RAP1GAP2: variants seen among roughly 807,000 people sequenced by gnomAD.
RAP1GAP2 encodes the protein rap1 GTPase-activating protein 2.
Under a neutral mutation model 95.0 loss-of-function variants are expected in RAP1GAP2, and 27 were observed. The ratio of observed to expected loss-of-function variants is 0.28; its 90% CI spans 0.21 to 0.39. The LOEUF (loss-of-function observed/expected upper bound fraction) is 0.39, where lower values mean the gene tolerates loss of function less well. Among genes scored for constraint, RAP1GAP2 ranks in the 10% least tolerant of loss-of-function variants. RAP1GAP2 has a pLI of 1.00. For missense variants in RAP1GAP2, 771 were observed against 970.0 expected (o/e 0.79, Z 2.72); for synonymous variants, 373 against 380.9 (o/e 0.98, Z 0.24).
intron 2 of RAP1GAP2, among the ~76,000 whole-genome samples, chr17:2,828,486 C>A (rs1219208396): frequency 6.7e-6 from 1 of 148,946 alleles, no homozygotes; most frequent in Non-Finnish European, 1.5e-5. Context: ...GTGAAGCTGT[C>A]TGGGGAAGAG....
Position 2,963,540 on chromosome 17 carries a change from C to G in RAP1GAP2, c.279+78C>G. 1 of 1,577,284 alleles carries G rather than the reference C, an allele frequency of 6.3e-7. No homozygotes were observed. Among genetic ancestry groups the G allele is most frequent in the Admixed American group, 1.7e-5 (1 of 59,872 alleles). On this transcript the variant is annotated intron_variant, in intron 6 of 24. Coordinates refer to ENST00000254695, the MANE Select transcript of RAP1GAP2 (RefSeq NM_015085.5). This position sits in a 1 kb window ranked among gnomAD's most constrained non-coding sequence, Gnocchi z 4.8. ...TCCCTGGGGAAATGATGGCGATGGCCTGTGCCCAGCCCCCCAGGGGAGAGA... is the reference window on the plus strand; with the variant it reads ...TCCCTGGGGAAATGATGGCGATGGCGTGTGCCCAGCCCCCCAGGGGAGAGA...
In RAP1GAP2 at chr17:2,801,977, G is replaced by C. The variant is rs561946933; in HGVS notation, c.80+1427G>C. ...CTGCACCCCTCCCATGAGGCAATGA[G>C]TACTGGCTAACCATCTGCTCCAGTG... On this transcript the variant is annotated intron_variant, in intron 2 of 24. Coordinates refer to ENST00000254695, the MANE Select transcript of RAP1GAP2 (RefSeq NM_015085.5). 1.2e-4 allele frequency among the ~76,000 whole-genome samples: 19 copies of C among 152,290 alleles called. No homozygotes were observed. The East Asian group carries it at 2.5e-3, about 20-fold the overall frequency.
At chr17:2,776,048 G>A (rs969873011), upstream of RAP1GAP2, among the ~76,000 whole-genome samples, 1 of 152,168 alleles carries the variant, frequency 6.6e-6, no homozygotes, top group Admixed American at 6.5e-5. Flanking sequence ...GTATGGTGGC[G>A]GGTGCCTGTA....
chr17:2,928,557 G>A (rs932415552), intron 3 of RAP1GAP2, among the ~76,000 whole-genome samples: 1 of 152,180 alleles, frequency 6.6e-6, no homozygotes, highest in Non-Finnish European at 1.5e-5. Context: ...GACCTGCCTG[G>A]CATGGAAAGT....
chr17:2,981,131 C>A, intron 9 of RAP1GAP2, 64 bp from the exon 10 acceptor site: 1 of 1,471,118 alleles, frequency 6.8e-7, no homozygotes, highest in African/African-American at 1.4e-5. Flanking sequence ...TCCAGGTGGG[C>A]AGAGGAGCCC....
At chr17:2,771,440 G>A (rs897775984) in intron 2 of RAP1GAP2, among the ~76,000 whole-genome samples, 8 of 149,500 alleles carry the variant, frequency 5.4e-5, no homozygotes, top group East Asian at 3.9e-4. Flanking sequence ...TGCCACACCC[G>A]ACCCGGGGAC....
intron 14 of RAP1GAP2, among the ~76,000 whole-genome samples, 169 bp downstream of exon 14, chr17:2,998,545 C>T (rs563817854): frequency 6.6e-6 from 1 of 152,326 alleles, no homozygotes; most frequent in Non-Finnish European, 1.5e-5. Context: ...TCCAAGGCCA[C>T]CTGATCCCCC....
chr17:2,953,919 C>T (rs570839492), intron 3 of RAP1GAP2, among the ~76,000 whole-genome samples: 1 of 152,128 alleles, frequency 6.6e-6, no homozygotes, highest in Non-Finnish European at 1.5e-5. Context: ...GTGTAACCAC[C>T]ATCATAATCA....
At chr17:2,863,455 T>C (rs951722239) in intron 2 of RAP1GAP2, among the ~76,000 whole-genome samples, 10 of 152,166 alleles carry the variant, frequency 6.6e-5, no homozygotes, top group Admixed American at 2.6e-4. Flanking sequence ...GTCGGCCCCA[T>C]GTGTGTCCTG....
intron 19 of RAP1GAP2, among the ~76,000 whole-genome samples, chr17:3,023,552 C>T (rs1015111920): frequency 1.8e-4 from 27 of 152,308 alleles, no homozygotes; most frequent in African/African-American, 5.8e-4. Context: ...TGTTTGGAAC[C>T]TGTGCATGGG....
chr17:2,849,707 C>T (rs1170994361), intron 2 of RAP1GAP2, among the ~76,000 whole-genome samples: 1 of 152,192 alleles, frequency 6.6e-6, no homozygotes, highest in Non-Finnish European at 1.5e-5. Context: ...GCTTTGGAGG[C>T]TGGAACAGGC....
intron 2 of RAP1GAP2, among the ~76,000 whole-genome samples, chr17:2,836,984 C>T (rs1391802986): frequency 6.6e-6 from 1 of 152,108 alleles, no homozygotes; most frequent in Non-Finnish European, 1.5e-5. Flanking sequence ...GTAACGGTGG[C>T]TCACACCTGT....
chr17:2,850,280 G>A (rs902490375), intron 2 of RAP1GAP2, among the ~76,000 whole-genome samples: 9 of 151,352 alleles, frequency 5.9e-5, no homozygotes, highest in East Asian at 3.9e-4. Flanking sequence ...GATTACAGGC[G>A]TGAGCCACTG....
chr17:2,949,514 G>A (rs548145238), intron 3 of RAP1GAP2, among the ~76,000 whole-genome samples: 13 of 150,980 alleles, frequency 8.6e-5, no homozygotes, highest in Admixed American at 7.9e-4. Context: ...AGTGCCTGCT[G>A]TATGCCCTGA....
chr17:2,992,505 C>T (rs897487588), intron 12 of RAP1GAP2, among the ~76,000 whole-genome samples: 4 of 152,030 alleles, frequency 2.6e-5, no homozygotes, highest in Non-Finnish European at 5.9e-5. Flanking sequence ...ACATTGGGGC[C>T]GTTGCTTGGA....
intron 3 of RAP1GAP2, among the ~76,000 whole-genome samples, chr17:2,943,765 A>G (rs1031696440): frequency 6.6e-6 from 1 of 152,236 alleles, no homozygotes; most frequent in Non-Finnish European, 1.5e-5. Flanking sequence ...AGTGGTCAAC[A>G]GGTATATGAG....
intron 8 of RAP1GAP2, among the ~76,000 whole-genome samples, chr17:2,969,496 C>CTTTTTTTTTTTTTTTTTTTTTTTTTTTT (rs34468461): frequency 1.2e-5 from 1 of 83,782 alleles, no homozygotes; most frequent in African/African-American, 4.6e-5. Context: ...TATATATATT[C>CTTTTTTTTTTTTTTTTTTTTTTTTTTTT]TTTTTTTTTT....
Position 3,008,359 on chromosome 17 carries a change from A to G in RAP1GAP2, c.1494+214A>G, listed in dbSNP as rs150123672. Among the ~76,000 whole-genome samples the G allele has an allele frequency of 1.3e-5, 2 of 152,312 alleles. No homozygotes were observed. The highest frequency in any genetic ancestry group is 4.8e-5 in the African/African-American group (2 of 41,570). ...CAGCAGTTTTCTCAGCAGCCTCCCCATCCTTCCTCTATCTGGGTCATCTCC... is the reference window on the plus strand; with the variant it reads ...CAGCAGTTTTCTCAGCAGCCTCCCCGTCCTTCCTCTATCTGGGTCATCTCC... On this transcript the variant is annotated intron_variant, in intron 17 of 24. Coordinates refer to ENST00000254695, the MANE Select transcript of RAP1GAP2 (RefSeq NM_015085.5). This position sits in a 1 kb window ranked among gnomAD's most constrained non-coding sequence, Gnocchi z 4.2.
Position 3,018,724 on chromosome 17 carries a change from C to T in RAP1GAP2, c.1632+526C>T, listed in dbSNP as rs761403063. On this transcript the variant is annotated intron_variant, in intron 18 of 24. Transcript: ENST00000254695. ...GTTCCCATTTGAGGAAAAGGAGGCC[C>T]GCTGGGGCTCAGTAACTTGCTAGAG... 9.9e-5 allele frequency among the ~76,000 whole-genome samples: 15 copies of T among 152,242 alleles called. No individual in the cohort carries two copies. In the South Asian group the frequency reaches 1.2e-3, roughly 13 times the overall value.
Sources: gnomAD v4.1 joint callset for allele counts (sites outside exome capture counted in the v4.1 genomes callset) on GRCh38, gnomAD v4.1.1 for gene constraint, Gnocchi (gnomAD v3.1) non-coding constraint, MANE v1.5 for transcripts, NCBI Gene and HGNC (gene_info 2026-07-23, HGNC 2026-07-21) for gene names.